SYTL2: variants seen among roughly 807,000 people sequenced by gnomAD.
SYTL2 encodes synaptotagmin like 2, also known as synaptotagmin-like protein 2.
In SYTL2, 165 loss-of-function variants were observed where a neutral mutation model predicts 198.7. That is an observed-to-expected ratio of 0.83 (90% confidence interval 0.73 to 0.94). The LOEUF is 0.94. SYTL2 is among the 40% of genes least tolerant of loss of function. The pLI is 0.00. For synonymous variants in SYTL2, 966 were observed against 917.7 expected (o/e 1.05, Z -0.95); for missense variants, 2,835 against 2,582.8 (o/e 1.10, Z -2.12).
chr11:85,719,784 A>C (rs1010740698), intron 9 of SYTL2, among the ~76,000 whole-genome samples: 3 of 152,200 alleles, frequency 2.0e-5, no homozygotes, highest in Admixed American at 6.5e-5. Context: ...ACCCCTGGGA[A>C]TCTGTGAATT....
At chr11:85,767,457 G>C (rs901769135) in intron 1 of SYTL2, among the ~76,000 whole-genome samples, 1 of 152,156 alleles carries the variant, frequency 6.6e-6, no homozygotes, top group African/African-American at 2.4e-5. Flanking sequence ...TCAAAGGAAG[G>C]GAGTGGAAGA....
chr11:85,698,735 C>G (rs566246777), intron 17 of SYTL2, among the ~76,000 whole-genome samples: 3 of 152,124 alleles, frequency 2.0e-5, no homozygotes, highest in African/African-American at 7.2e-5. Flanking sequence ...GACAGAGTTT[C>G]GTCATGTTGC....
intron 1 of SYTL2, among the ~76,000 whole-genome samples, chr11:85,787,218 A>G (rs763420117): frequency 1.3e-5 from 2 of 152,148 alleles, no homozygotes; most frequent in African/African-American, 2.4e-5. Flanking sequence ...GCGATTTCCC[A>G]TTTGTAAAAT....
At chr11:85,784,048 G>A (rs765512568) in intron 1 of SYTL2, among the ~76,000 whole-genome samples, 7 of 152,148 alleles carry the variant, frequency 4.6e-5, no homozygotes, top group African/African-American at 1.4e-4. Flanking sequence ...CAACAACCAC[G>A]TGCCATGTGC....
At position 85,733,594 on chromosome 11, in the gene SYTL2, GT is replaced by G. The variant is rs11383912; in HGVS notation, c.1390+344del. On this transcript the variant is annotated intron_variant, in intron 7 of 19. Transcript: ENST00000359152. ...CAAGCCCACCAAGTTTTTTTTTTTT[GT>G]TTTTTTTTTTTTTTTGAGACGGAGT... The G allele has an allele frequency of 1.8e-3, 189 of 106,272 alleles. 2 individuals are homozygous for G. The highest frequency in any genetic ancestry group is 6.9e-3 in the Admixed American group (61 of 8,816). The allele number at this position is 106,272 out of a possible 1,614,324, so 6.6% of individuals were successfully genotyped here.
At chr11:85,797,110 G>C (rs569515009) in intron 1 of SYTL2, among the ~76,000 whole-genome samples, 3 of 152,166 alleles carry the variant, frequency 2.0e-5, no homozygotes, top group Non-Finnish European at 2.9e-5. Flanking sequence ...AGGATTGCTC[G>C]AGCCCAGGAG....
Position 85,726,910 on chromosome 11 carries a change from T to A in SYTL2, c.2448A>T (p.Ser816=). The A allele has an allele frequency of 6.5e-7, 1 of 1,536,576 alleles. No individual in the cohort carries two copies. Among genetic ancestry groups the A allele is most frequent in the Non-Finnish European group, 8.7e-7 (1 of 1,146,980 alleles). Residue 816 remains serine (S), a synonymous_variant, in exon 8 of 20, where the codon TCA becomes TCT. Coordinates refer to ENST00000359152, the MANE Select transcript of SYTL2 (RefSeq NM_206927.4). ...AKITHEKPTS[S]CSQEQPSAKA... The stretch of plus-strand genomic sequence containing the variant: ...TAGCAGAAGGTTGTTCCTGGCTACA[T>A]GAAGATGTGGGTTTTTCATGAGTTA...
rs1364454341 is a variant in SYTL2 at position 85,714,466 on chromosome 11, G to T, written c.5572C>A (p.Pro1858Thr). ...PTQPDNPFSH[P>T]DKLKRMSKSV... The stretch of plus-strand genomic sequence containing the variant: ...TTGCTCATCCTTTTGAGTTTGTCAG[G>T]GTGAGAAAATGGATTATCAGGTTGT... Residue 1858 changes from proline to threonine, a missense_variant, in exon 12 of 20, where the codon CCT becomes ACT. Pro to Thr is a conservative substitution (Grantham distance 38). Transcript: ENST00000359152. The T allele has an allele frequency of 6.2e-7, 1 of 1,613,604 alleles. No individual in the cohort carries two copies. The highest frequency in any genetic ancestry group is 1.3e-5 in the African/African-American group (1 of 74,872).
At chr11:85,853,450 T>C in the SYTL2 span, 10 of 385,228 alleles carry the variant, frequency 2.6e-5, no homozygotes, top group Non-Finnish European at 1.5e-5. Context: ...GTTAAACAGA[T>C]GCTTGAAGGC....
intron 1 of SYTL2, among the ~76,000 whole-genome samples, chr11:85,809,782 C>T (rs570005936): frequency 1.3e-5 from 2 of 152,308 alleles, no homozygotes; most frequent in African/African-American, 4.8e-5. Flanking sequence ...GTCCCCACAC[C>T]TCTTCTCCTT....
At chr11:85,713,678 A>AAAAT (rs2086692921) in intron 12 of SYTL2, among the ~76,000 whole-genome samples, 1 of 152,244 alleles carries the variant, frequency 6.6e-6, no homozygotes, top group Non-Finnish European at 1.5e-5. Flanking sequence ...TAAAATGAAG[A>AAAAT]AAATAGTCCT....
chr11:85,751,493 T>A (rs1303375813), intron 2 of SYTL2, among the ~76,000 whole-genome samples: 1 of 152,212 alleles, frequency 6.6e-6, no homozygotes, highest in Non-Finnish European at 1.5e-5. Context: ...GACTGACATT[T>A]ATCCTTTACC....
upstream of SYTL2, among the ~76,000 whole-genome samples, chr11:85,813,252 T>C (rs1278968879): frequency 6.6e-6 from 1 of 152,156 alleles, no homozygotes; most frequent in Non-Finnish European, 1.5e-5. Flanking sequence ...CTGTTAGAAA[T>C]GTCAATTTCT....
chr11:85,714,691 T>G (rs1330375784), intron 11 of SYTL2, 184 bp from the exon 12 acceptor site: 4 of 1,312,390 alleles, frequency 3.0e-6, no homozygotes, highest in South Asian at 1.9e-5. Context: ...ATAAATTATA[T>G]AGAGAGAGAA....
chr11:85,781,379 G>C (rs1397295867), intron 1 of SYTL2, among the ~76,000 whole-genome samples: 4 of 152,072 alleles, frequency 2.6e-5, no homozygotes, highest in African/African-American at 9.7e-5. Flanking sequence ...ACAGCACACA[G>C]GGATTATGAG....
chr11:85,795,544 G>A (rs947435430), intron 1 of SYTL2, among the ~76,000 whole-genome samples: 2 of 152,090 alleles, frequency 1.3e-5, no homozygotes, highest in Non-Finnish European at 1.5e-5. Flanking sequence ...AGAGCCCAAG[G>A]CCGTGTTTTT....
chr11:85,760,994 T>G (rs1450346709), intron 1 of SYTL2, among the ~76,000 whole-genome samples: 2 of 152,160 alleles, frequency 1.3e-5, no homozygotes, highest in Non-Finnish European at 2.9e-5. Context: ...ATATTCTGGA[T>G]GATGTCCAGC....
At chr11:85,720,142 C>T (rs1316756615) in intron 9 of SYTL2, among the ~76,000 whole-genome samples, 5 of 152,052 alleles carry the variant, frequency 3.3e-5, no homozygotes, top group Non-Finnish European at 7.4e-5. Flanking sequence ...GAATCGTGTA[C>T]CTAAAGTCTT....
chr11:85,832,276 T>A, the SYTL2 span, among the ~76,000 whole-genome samples: 1 of 152,210 alleles, frequency 6.6e-6, no homozygotes, highest in African/African-American at 2.4e-5. Context: ...TATTACTAAT[T>A]CTATTTTATA....
Sources: gnomAD v4.1 joint callset for allele counts (sites outside exome capture counted in the v4.1 genomes callset) on GRCh38, gnomAD v4.1.1 for gene constraint, MANE v1.5 for transcripts, NCBI Gene and HGNC (gene_info 2026-07-23, HGNC 2026-07-21) for gene names.